The following SLC4A7 variants were observed in gnomAD, a reference collection of about 807,000 sequenced individuals.
The protein encoded by SLC4A7 is sodium bicarbonate cotransporter 3.
Under a neutral mutation model 137.6 loss-of-function variants are expected in SLC4A7, and 51 were observed. The observed-to-expected ratio is 0.37, with a 90% CI of 0.30 to 0.47. The LOEUF (loss-of-function observed/expected upper bound fraction) is 0.47, where lower values mean the gene tolerates loss of function less well. Ranked by LOEUF, SLC4A7 falls within the 20% of genes least tolerant of loss-of-function variation. SLC4A7 has a pLI of 1.00. For missense variants in SLC4A7, 1,247 were observed against 1,525.4 expected, an observed-to-expected ratio of 0.82 and a Z score of 3.04; for synonymous variants, 542 against 518.6, an observed-to-expected ratio of 1.05 and a Z score of -0.61.
At chr3:27,417,964 C>T (rs996950152) in intron 11 of SLC4A7, among the ~76,000 whole-genome samples, 1 of 151,996 alleles carries the variant, frequency 6.6e-6, no homozygotes, top group Non-Finnish European at 1.5e-5. Flanking sequence ...AAATAAATTC[C>T]CCTTTGACCC....
chr3:27,427,648 A>C (rs1187865331), intron 7 of SLC4A7, among the ~76,000 whole-genome samples: 1 of 152,132 alleles, frequency 6.6e-6, no homozygotes, highest in Non-Finnish European at 1.5e-5. Flanking sequence ...CTAAGACAGT[A>C]CCAGGCATCA....
chr3:27,470,799 G>A lies in SLC4A7; in HGVS notation c.60+13268C>T, dbSNP rs571345430. 1.1e-4 allele frequency among the ~76,000 whole-genome samples: 16 copies of A among 152,134 alleles called. No individual in the cohort carries two copies. In the East Asian group the frequency reaches 2.5e-3, roughly 24 times the overall value. ...CTACTAAAAATACAAAAAATTAGCT[G>A]GGCGTGGTGGCATGCGCCTGTACTC... On this transcript the variant is annotated intron_variant, in intron 1 of 25. Transcript: ENST00000454389.
At position 27,450,175 on chromosome 3, in the gene SLC4A7, C is replaced by A. The variant is rs1210486141; in HGVS notation, c.143-1378G>T. ...ATCACCTTTTAAATTAAAAGAGGGACAACTTAACAAAACATACTGAACTAT... is the reference window on the plus strand; with the variant it reads ...ATCACCTTTTAAATTAAAAGAGGGAAAACTTAACAAAACATACTGAACTAT... On this transcript the variant is annotated intron_variant, in intron 2 of 25. Coordinates refer to ENST00000454389, the MANE Select transcript of SLC4A7 (RefSeq NM_001321103.2). 2.0e-5 allele frequency among the ~76,000 whole-genome samples: 3 copies of A among 152,116 alleles called. No individual in the cohort carries two copies. The East Asian group carries it at 5.8e-4, about 29-fold the overall frequency.
chr3:27,460,198 T>A (rs2058623252), intron 1 of SLC4A7, among the ~76,000 whole-genome samples: 1 of 151,986 alleles, frequency 6.6e-6, no homozygotes, highest in Non-Finnish European at 1.5e-5. Flanking sequence ...TACGCTCAGC[T>A]AATTTTTATA....
At chr3:27,466,445 G>GT (rs1366292625) in intron 1 of SLC4A7, among the ~76,000 whole-genome samples, 1 of 128,562 alleles carries the variant, frequency 7.8e-6, no homozygotes, top group African/African-American at 2.9e-5. Context: ...GCGAGACTCC[G>GT]TCTCAAAAAA....
At chr3:27,429,433 A>T (rs1024865667) in intron 7 of SLC4A7, among the ~76,000 whole-genome samples, 155 of 152,306 alleles carry the variant, frequency 1.0e-3, no homozygotes, top group African/African-American at 3.6e-3. Flanking sequence ...ATGGACAACT[A>T]AAATCTATTC....
chr3:27,462,270 G>A (rs73151861), intron 1 of SLC4A7, among the ~76,000 whole-genome samples: 23,124 of 152,054 alleles, frequency 0.15, 1,906 homozygotes, highest in African/African-American at 0.23. Context: ...GCATACATTT[G>A]GTGCAGCAAT....
At chr3:27,415,242 A>G (rs1449094339) in intron 11 of SLC4A7, among the ~76,000 whole-genome samples, 1 of 152,218 alleles carries the variant, frequency 6.6e-6, no homozygotes, top group South Asian at 2.1e-4. Context: ...TTTAAAAGGC[A>G]GTCCCTTACT....
At chr3:27,478,833 C>CAA (rs558381804) in intron 1 of SLC4A7, among the ~76,000 whole-genome samples, 47 of 84,958 alleles carry the variant, frequency 5.5e-4, no homozygotes, top group East Asian at 1.0e-3. Flanking sequence ...ACTAAAAATA[C>CAA]AAAAAAAAAA....
At chr3:27,401,466 T>A (rs1456350670) in intron 15 of SLC4A7, among the ~76,000 whole-genome samples, 1 of 152,204 alleles carries the variant, frequency 6.6e-6, no homozygotes, top group Non-Finnish European at 1.5e-5. Flanking sequence ...CAAAGAAACT[T>A]TTAAATACGG....
At chr3:27,456,865 C>T in intron 1 of SLC4A7, 1 of 1,382,894 alleles carries the variant, frequency 7.2e-7, no homozygotes, top group Non-Finnish European at 9.3e-7. Flanking sequence ...AAGCTAATAA[C>T]TACAACTTAC....
intron 22 of SLC4A7, among the ~76,000 whole-genome samples, chr3:27,388,780 C>T (rs1481249286): frequency 6.6e-6 from 1 of 151,958 alleles, no homozygotes; most frequent in Non-Finnish European, 1.5e-5. Flanking sequence ...AAAATAATTC[C>T]ATTCTTCTAA....
rs545954897 is a variant in SLC4A7 at position 27,373,996 on chromosome 3, C to A, written c.*2768G>T. 6.6e-6 allele frequency: 1 copy of A among 152,576 alleles called. No individual in the cohort carries two copies. Among genetic ancestry groups the A allele is most frequent in the African/African-American group, 2.4e-5 (1 of 41,558 alleles). The allele number at this position is 152,576 out of a possible 1,614,324, so 9.5% of individuals were successfully genotyped here. On this transcript the variant is annotated 3_prime_UTR_variant, in exon 26 of 26. Transcript: ENST00000454389. ...ACACACACTTTAGAAAGACTGTGTG[C>A]TTGGCTTCGGCATATTTAATATCAT...
At chr3:27,481,289 C>T (rs943242675) in intron 1 of SLC4A7, among the ~76,000 whole-genome samples, 2 of 152,126 alleles carry the variant, frequency 1.3e-5, no homozygotes, top group Non-Finnish European at 2.9e-5. Flanking sequence ...TATCCCAACA[C>T]CCTGATCAGT....
chr3:27,479,183 G>A (rs1021185300), intron 1 of SLC4A7, among the ~76,000 whole-genome samples: 2 of 152,200 alleles, frequency 1.3e-5, no homozygotes, highest in South Asian at 2.1e-4. Flanking sequence ...GGGGGGCAGA[G>A]GAGGGTGGAT....
At chr3:27,482,335 T>C (rs2059747259) in intron 1 of SLC4A7, among the ~76,000 whole-genome samples, 1 of 152,230 alleles carries the variant, frequency 6.6e-6, no homozygotes, top group African/African-American at 2.4e-5. Context: ...GAACACACCA[T>C]AGTTTCTATC....
intron 1 of SLC4A7, among the ~76,000 whole-genome samples, chr3:27,460,853 C>A (rs888364432): frequency 1.1e-4 from 17 of 152,092 alleles, no homozygotes; most frequent in African/African-American, 4.1e-4. Context: ...GTTTTTGTTT[C>A]TTTGTTTTTC....
At chr3:27,450,319 G>A (rs1280624081) in intron 2 of SLC4A7, among the ~76,000 whole-genome samples, 1 of 152,042 alleles carries the variant, frequency 6.6e-6, no homozygotes, top group East Asian at 1.9e-4. Context: ...TAATTATACA[G>A]GGTTTATTTT....
At chr3:27,415,381 A>G (rs2054284934) in intron 11 of SLC4A7, among the ~76,000 whole-genome samples, 1 of 152,240 alleles carries the variant, frequency 6.6e-6, no homozygotes, top group Non-Finnish European at 1.5e-5. Context: ...TTCAAAGCTC[A>G]GCATTAGCAG....
Sources: gnomAD v4.1 joint callset for allele counts (sites outside exome capture counted in the v4.1 genomes callset) on GRCh38, gnomAD v4.1.1 for gene constraint, MANE v1.5 for transcripts, NCBI Gene and HGNC (gene_info 2026-07-23, HGNC 2026-07-21) for gene names.